The following TMC3 variants were observed in gnomAD, a reference collection of about 807,000 sequenced individuals.
TMC3 encodes the protein transmembrane channel like 3.
In TMC3, 98 loss-of-function variants were observed where a neutral mutation model predicts 110.6. The observed-to-expected ratio is 0.89, with a 90% CI of 0.75 to 1.05. The LOEUF (loss-of-function observed/expected upper bound fraction) is 1.05. TMC3 is among the 50% of genes least tolerant of loss of function. The pLI is 0.00. For synonymous variants in TMC3, 489 were observed against 513.1 expected (o/e 0.95, Z 0.63); for missense variants, 1,319 against 1,373.2 (o/e 0.96, Z 0.62).
At chr15:81,359,310 G>T in intron 5 of TMC3, 55 bp downstream of exon 5, 1 of 1,309,434 alleles carries the variant, frequency 7.6e-7, no homozygotes, top group Non-Finnish European at 1.1e-6. Flanking sequence ...CATTTTATGC[G>T]ACTGCTGTAA....
rs1264276732 is a variant in TMC3 at position 81,362,274 on chromosome 15, A to G, written c.340T>C (p.Cys114Arg). The change falls in exon 4 of 22, where the codon TGT becomes CGT. Residue 114 changes from cysteine to arginine, a missense_variant. Physicochemically the swap from Cys to Arg is radical, Grantham distance 180 (BLOSUM62 -3). Transcript: ENST00000359440. ...GGAATGAAGATGACCACAAAGTTACAGGCGAGACGAGCAAATTTCCGCCAG... is the reference window on the plus strand; with the variant it reads ...GGAATGAAGATGACCACAAAGTTACGGGCGAGACGAGCAAATTTCCGCCAG... ...ELWRKFARLACNFVVIFIPWE... is the reference protein window; with the variant it reads ...ELWRKFARLARNFVVIFIPWE... 2 of 1,612,402 alleles carry G rather than the reference A, an allele frequency of 1.2e-6. No individual in the cohort carries two copies. The highest frequency in any genetic ancestry group is 2.2e-5 in the East Asian group (1 of 44,842).
chr15:81,333,445 C>A (rs1174683137), intron 21 of TMC3, among the ~76,000 whole-genome samples, 183 bp from the exon 22 acceptor site: 1 of 152,168 alleles, frequency 6.6e-6, no homozygotes, highest in Non-Finnish European at 1.5e-5. Flanking sequence ...TTCTTTACTG[C>A]TGGAATTTTC....
chr15:81,357,174 A>G (rs1254824476), intron 7 of TMC3, among the ~76,000 whole-genome samples: 1 of 151,904 alleles, frequency 6.6e-6, no homozygotes, highest in African/African-American at 2.4e-5. Context: ...CTTACATTGT[A>G]TGTCTAGTAA....
rs1893487231 is a variant in TMC3 at position 81,332,584 on chromosome 15, T to C, written c.3138A>G (p.Ala1046=). ...TGTTCTGCTGGTCACTGCTGGATGC[T>C]GCCGACACGGAGTCAGATTCCGTGA... ...PSLTESDSVS[A]ASSSDQQNSS... Residue 1046 remains alanine, a synonymous_variant, in exon 22 of 22, where the codon GCA becomes GCG. Coordinates refer to ENST00000359440, the MANE Select transcript of TMC3 (RefSeq NM_001080532.3). The C allele has an allele frequency of 1.2e-6, 2 of 1,614,022 alleles. No individual in the cohort carries two copies. Among genetic ancestry groups the C allele is most frequent in the Non-Finnish European group, 1.7e-6 (2 of 1,179,890 alleles).
At chr15:81,360,465 T>C (rs1261251561) in intron 4 of TMC3, among the ~76,000 whole-genome samples, 1 of 152,196 alleles carries the variant, frequency 6.6e-6, no homozygotes, top group African/African-American at 2.4e-5. Flanking sequence ...TTTAGGACAT[T>C]TCCAACTGTT....
chr15:81,357,774 T>C (rs1245496598), intron 7 of TMC3, among the ~76,000 whole-genome samples: 2 of 152,232 alleles, frequency 1.3e-5, no homozygotes, highest in African/African-American at 4.8e-5. Context: ...TAGATCATAT[T>C]GCTTATGTCC....
rs1893653685 is a variant in TMC3 at position 81,338,881 on chromosome 15, C to T, written c.1956-101G>A. ...TGGATGCCTGGAGGCCAATTCATAA[C>T]ATTCCTCAAATGATTTCATATCTAA... On this transcript the variant is annotated intron_variant, in intron 17 of 21. Transcript: ENST00000359440. The T allele has an allele frequency of 2.3e-6, 3 of 1,281,028 alleles. No individual in the cohort carries two copies. The Admixed American group carries it at 5.8e-5, about 25-fold the overall frequency. 79.4% of individuals were successfully genotyped at this position (1,281,028 alleles called of 1,614,324 possible).
chr15:81,362,627 TTCC>T (rs1894213777), intron 3 of TMC3, among the ~76,000 whole-genome samples: 1 of 152,212 alleles, frequency 6.6e-6, no homozygotes, highest in Non-Finnish European at 1.5e-5. Context: ...AGCCATCCCA[TTCC>T]TGATGAGGGG....
intron 2 of TMC3, 21 bp from the exon 3 acceptor site, chr15:81,368,349 T>C (rs1894362806): frequency 3.8e-6 from 6 of 1,595,170 alleles, no homozygotes; most frequent in Non-Finnish European, 5.2e-6. Flanking sequence ...AAAAACATGA[T>C]GGTGAACACA....
chr15:81,341,208 T>A (rs1893706866), intron 16 of TMC3, among the ~76,000 whole-genome samples, 182 bp downstream of exon 16: 1 of 152,162 alleles, frequency 6.6e-6, no homozygotes, highest in Admixed American at 6.5e-5. Context: ...GGAGTAATGA[T>A]TCATTGAAAG....
chr15:81,343,048 T>C, intron 15 of TMC3: 2 of 464,278 alleles, frequency 4.3e-6, no homozygotes, highest in Non-Finnish European at 7.7e-6. Context: ...TTTTTTCGGC[T>C]GCGACCAATA....
intron 9 of TMC3, 83 bp downstream of exon 9, chr15:81,355,642 G>A: frequency 2.3e-6 from 2 of 874,276 alleles, no homozygotes; most frequent in Middle Eastern, 2.2e-4. Flanking sequence ...ATGAAAATAA[G>A]ATATAGATGA....
rs201832940 is a variant in TMC3 at position 81,332,775 on chromosome 15, G to A, written c.2947C>T (p.Arg983Trp). Reference sequence around the variant, plus strand: ...ACCCTCCCCTGGTGCTCGGGATCCCGGGTCTGACTTTCGGACCTCTCCCCA... The same window carrying A: ...ACCCTCCCCTGGTGCTCGGGATCCCAGGTCTGACTTTCGGACCTCTCCCCA... The part of the protein sequence containing the change: ...YIGERSESQT[R>W]DPEHQGRVHY... Residue 983 changes from arginine (R) to tryptophan (W), a missense_variant, in exon 22 of 22, where the codon CGG becomes TGG. Transcript: ENST00000359440. 16 of 1,611,438 alleles carry A rather than the reference G, an allele frequency of 9.9e-6. No homozygotes were observed. The Admixed American group carries it at 1.0e-4, about 10-fold the overall frequency.
chr15:81,357,594 C>A (rs1894093070), intron 7 of TMC3, among the ~76,000 whole-genome samples: 1 of 152,134 alleles, frequency 6.6e-6, no homozygotes, highest in Non-Finnish European at 1.5e-5. Context: ...GAGCTCCTAA[C>A]CCCCACCAGA....
At chr15:81,368,627 C>A (rs534245719) in intron 2 of TMC3, among the ~76,000 whole-genome samples, 2 of 152,160 alleles carry the variant, frequency 1.3e-5, no homozygotes, top group Non-Finnish European at 2.9e-5. Flanking sequence ...TGGTGCTTGG[C>A]TGGGAATTCT....
Position 81,358,499 on chromosome 15 carries a change from A to T in TMC3, c.503T>A (p.Leu168Gln). The T allele has an allele frequency of 6.2e-7, 1 of 1,607,278 alleles. No homozygotes were observed. The highest frequency in any genetic ancestry group is 8.5e-7 in the Non-Finnish European group (1 of 1,176,502). Reference protein sequence around the residue: ...MTGAFIVIPELIAGQPFGSTA... With the variant: ...MTGAFIVIPEQIAGQPFGSTA... ...GCTTCCAAAGGGCTGGCCTGCAATC[A>T]GCTGGTGAGAGAAGAAAGCATGTCA... Residue 168 changes from leucine (L) to glutamine (Q), a missense_variant and splice_region_variant, in exon 6 of 22, where the codon CTG (leucine) becomes CAG (glutamine). By Grantham distance (113) the Leu-to-Gln change is moderately radical (BLOSUM62 -2). Coordinates refer to ENST00000359440, the MANE Select transcript of TMC3 (RefSeq NM_001080532.3).
rs1379169723 is a variant in TMC3 at position 81,332,619 on chromosome 15, C to T, written c.3103G>A (p.Glu1035Lys). Residue 1035 changes from glutamate to lysine, a missense_variant, in exon 22 of 22, where the codon GAG becomes AAG. Glu to Lys is a moderately conservative substitution (Grantham distance 56). Coordinates refer to ENST00000359440, the MANE Select transcript of TMC3 (RefSeq NM_001080532.3). Reference sequence around the variant, plus strand: ...GAGTCAGATTCCGTGAGGGATGGCTCGAACCTGGGCTTCCCTCTGGGCTTC... The same window carrying T: ...GAGTCAGATTCCGTGAGGGATGGCTTGAACCTGGGCTTCCCTCTGGGCTTC... The part of the protein sequence containing the change: ...PLKPRGKPRF[E>K]PSLTESDSVS... The T allele has an allele frequency of 6.2e-7, 1 of 1,613,788 alleles. No homozygotes were observed. Among genetic ancestry groups the T allele is most frequent in the Non-Finnish European group, 8.5e-7 (1 of 1,179,874 alleles).
chr15:81,371,494 G>A (rs983178652), intron 2 of TMC3, among the ~76,000 whole-genome samples: 1 of 152,204 alleles, frequency 6.6e-6, no homozygotes, highest in African/African-American at 2.4e-5. Context: ...CCACACTGCA[G>A]GTGCCTGATG....
intron 2 of TMC3, among the ~76,000 whole-genome samples, chr15:81,370,680 C>CTT (rs10676279): frequency 0.13 from 17,421 of 139,202 alleles, 1,926 homozygotes; most frequent in African/African-American, 0.29. Flanking sequence ...GAAACTATTT[C>CTT]TTTTTTTTTT....
Sources: allele counts gnomAD v4.1 joint callset (sites outside exome capture counted in the v4.1 genomes callset), GRCh38; gene constraint gnomAD v4.1.1; transcripts MANE v1.5; gene names NCBI Gene and HGNC (gene_info 2026-07-23, HGNC 2026-07-21).